The following KLHL1 variants were observed in gnomAD, a reference collection of about 807,000 sequenced individuals.
KLHL1 encodes the protein kelch like family member 1.
KLHL1 carries 47 observed loss-of-function variants against 77.7 expected under a neutral mutation model. That is an observed-to-expected ratio of 0.60 (90% CI 0.48 to 0.77). The LOEUF (loss-of-function observed/expected upper bound fraction) is 0.77, where lower values mean the gene tolerates loss of function less well. KLHL1 is among the 30% of genes least tolerant of loss of function. The probability of loss-of-function intolerance (pLI) is 0.00; values close to 1 mark genes in which losing one functional copy is unlikely to be tolerated. For missense variants in KLHL1, 925 were observed against 910.8 expected (o/e 1.02, Z -0.20); for synonymous variants, 360 against 325.2 (o/e 1.11, Z -1.15).
At chr13:70,091,007 T>C (rs1365828957) in intron 1 of KLHL1, among the ~76,000 whole-genome samples, 1 of 152,120 alleles carries the variant, frequency 6.6e-6, no homozygotes, top group Non-Finnish European at 1.5e-5. Flanking sequence ...TCAGATCACC[T>C]TTTATTTTTA....
chr13:69,856,397 T>C (rs1879921676), intron 5 of KLHL1, among the ~76,000 whole-genome samples: 1 of 152,050 alleles, frequency 6.6e-6, no homozygotes, highest in Non-Finnish European at 1.5e-5. Flanking sequence ...ATTTTCTTGC[T>C]ACTACTATTG....
intron 7 of KLHL1, among the ~76,000 whole-genome samples, chr13:69,748,832 G>A (rs1055395539): frequency 6.6e-6 from 1 of 151,820 alleles, no homozygotes; most frequent in South Asian, 2.1e-4. Context: ...AGAATTGCAA[G>A]CAGAATGATA....
chr13:69,882,196 C>A (rs1299079542), intron 5 of KLHL1, 87 bp downstream of exon 5: 22 of 870,636 alleles, frequency 2.5e-5, no homozygotes, highest in Non-Finnish European at 3.5e-5. Flanking sequence ...ATGTGAATAC[C>A]TAATTAAAAA....
At chr13:69,869,431 T>A (rs2138171073) in intron 5 of KLHL1, among the ~76,000 whole-genome samples, 1 of 152,302 alleles carries the variant, frequency 6.6e-6, no homozygotes, top group East Asian at 1.9e-4. Context: ...TTTCTTAATT[T>A]GAAAGACTAA....
chr13:69,914,033 G>A (rs573685704), intron 4 of KLHL1, among the ~76,000 whole-genome samples: 3 of 152,086 alleles, frequency 2.0e-5, no homozygotes, highest in Non-Finnish European at 2.9e-5. Flanking sequence ...TAGTCTTCTG[G>A]CCTACATTCT....
At chr13:70,057,893 AT>A (rs1298503093) in intron 1 of KLHL1, among the ~76,000 whole-genome samples, 1 of 152,150 alleles carries the variant, frequency 6.6e-6, no homozygotes, top group African/African-American at 2.4e-5. Context: ...AGCAAACCAA[AT>A]TTGACAACAC....
Position 70,045,731 on chromosome 13 carries a change from C to T in KLHL1, c.497+61472G>A, listed in dbSNP as rs114336151. 4.2e-3 allele frequency among the ~76,000 whole-genome samples: 637 copies of T among 152,164 alleles called. 5 individuals carry two copies. Among genetic ancestry groups the T allele is most frequent in the African/African-American group, 0.015 (615 of 41,540 alleles). On this transcript the variant is annotated intron_variant, in intron 1 of 10. Coordinates refer to ENST00000377844, the MANE Select transcript of KLHL1 (RefSeq NM_020866.3). ...TTTTCCTGAGTAACTAAAGGACATT[C>T]CTGTAACACTTGTCTCTTTACTTAG... is the stretch of plus-strand genomic sequence containing the variant.
Position 69,719,383 on chromosome 13 carries a change from C to T in KLHL1, c.2001G>A (p.Leu667=), listed in dbSNP as rs1180447738. The T allele has an allele frequency of 6.2e-7, 1 of 1,613,266 alleles. No homozygotes were observed. Among genetic ancestry groups the T allele is most frequent in the South Asian group, 1.1e-5 (1 of 91,062 alleles). ...TGGGGTCTTACCTTTCTACATAATC[C>T]AGTAGCCGGGAACAGTGATTTGAAG... ...APASNHCSRL[L]DYVERYDPKT... Residue 667 remains leucine, a synonymous_variant, in exon 9 of 11, where the codon CTG becomes CTA. Transcript: ENST00000377844.
At chr13:69,819,787 T>C (rs569836464) in intron 6 of KLHL1, among the ~76,000 whole-genome samples, 1 of 152,308 alleles carries the variant, frequency 6.6e-6, no homozygotes, top group Non-Finnish European at 1.5e-5. Context: ...CTATCATGTA[T>C]AAGGTGATAA....
chr13:69,895,850 G>T (rs374560699), intron 4 of KLHL1, among the ~76,000 whole-genome samples: 1 of 151,718 alleles, frequency 6.6e-6, no homozygotes, highest in Non-Finnish European at 1.5e-5. Flanking sequence ...GAGACTACAT[G>T]TGTGCACCAC....
At chr13:69,707,572 T>G (rs1443437307) in intron 10 of KLHL1, 53 bp downstream of exon 10, 1 of 1,530,378 alleles carries the variant, frequency 6.5e-7, no homozygotes, top group Non-Finnish European at 8.9e-7. Context: ...CCACAGAAAG[T>G]AAATGAAATA....
chr13:69,915,165 G>T (rs1319303606), intron 4 of KLHL1, among the ~76,000 whole-genome samples: 2 of 152,116 alleles, frequency 1.3e-5, no homozygotes. Context: ...TGGCCACACT[G>T]CCCAAAGTAA....
chr13:69,702,663 C>G (rs551857046), intron 10 of KLHL1, among the ~76,000 whole-genome samples: 37 of 151,470 alleles, frequency 2.4e-4, no homozygotes, highest in Non-Finnish European at 5.0e-4. Context: ...CATTTTCTAC[C>G]AGTTATTTTG....
At chr13:69,887,539 G>A (rs894800338) in intron 4 of KLHL1, among the ~76,000 whole-genome samples, 7 of 152,068 alleles carry the variant, frequency 4.6e-5, no homozygotes, top group Non-Finnish European at 2.9e-5. Flanking sequence ...TGGCTCCTTC[G>A]TTACTTGGCT....
intron 1 of KLHL1, among the ~76,000 whole-genome samples, chr13:70,001,023 T>C (rs1227903966): frequency 6.6e-6 from 1 of 150,676 alleles, no homozygotes; most frequent in African/African-American, 2.4e-5. Context: ...AAGATAGAAA[T>C]AGAAGATATT....
In KLHL1 at chr13:69,956,128, GAT is replaced by G. The variant is rs1292888155; in HGVS notation, c.817+5178_817+5179del. Among the ~76,000 whole-genome samples, 195 of 128,310 alleles carry G rather than the reference GAT, an allele frequency of 1.5e-3. 2 individuals are homozygous for G. The highest frequency in any genetic ancestry group is 5.2e-3 in the African/African-American group (183 of 35,146). The allele number at this position is 128,310 out of a possible 152,430, so 84.2% of individuals were successfully genotyped here. A position where few individuals can be genotyped will look rare whatever the true frequency, so the allele number is the denominator to read the frequency against. ...ATATTTATATTTGATATATATATTTGATATATATGATATATATATTTATATAT... is the reference window on the plus strand; with the variant it reads ...ATATTTATATTTGATATATATATTTGATATATGATATATATATTTATATAT... On this transcript the variant is annotated intron_variant, in intron 3 of 10. Coordinates refer to ENST00000377844, the MANE Select transcript of KLHL1 (RefSeq NM_020866.3).
chr13:69,809,462 T>A (rs761746779), intron 6 of KLHL1, among the ~76,000 whole-genome samples: 2 of 151,932 alleles, frequency 1.3e-5, no homozygotes, highest in Non-Finnish European at 2.9e-5. Flanking sequence ...CAAACAAAGC[T>A]TCATAAATAA....
At chr13:70,016,243 C>A (rs1885654601) in intron 1 of KLHL1, among the ~76,000 whole-genome samples, 1 of 152,228 alleles carries the variant, frequency 6.6e-6, no homozygotes, top group Non-Finnish European at 1.5e-5. Flanking sequence ...CACACACCAG[C>A]TGCAGTGAGG....
chr13:69,863,792 A>T (rs975972353), intron 5 of KLHL1, among the ~76,000 whole-genome samples: 1 of 152,050 alleles, frequency 6.6e-6, no homozygotes, highest in East Asian at 1.9e-4. Context: ...GGACACCTGA[A>T]TTCCAACATC....
Sources: gnomAD v4.1 joint callset for allele counts (sites outside exome capture counted in the v4.1 genomes callset) on GRCh38, gnomAD v4.1.1 for gene constraint, MANE v1.5 for transcripts, NCBI Gene and HGNC (gene_info 2026-07-23, HGNC 2026-07-21) for gene names.